SEMA4D: variants seen among roughly 807,000 people sequenced by gnomAD.
The protein encoded by SEMA4D is semaphorin 4D.
SEMA4D carries 22 observed loss-of-function variants against 74.8 expected under a neutral mutation model. The ratio of observed to expected loss-of-function variants is 0.29; its 90% CI spans 0.21 to 0.42. SEMA4D has a LOEUF of 0.42. SEMA4D is among the 10% of genes least tolerant of loss of function. SEMA4D has a pLI of 1.00. For missense variants in SEMA4D, 937 were observed against 1,118.4 expected (o/e 0.84, Z 2.31); for synonymous variants, 445 against 463.7 (o/e 0.96, Z 0.52).
At chr9:89,367,150 C>G (rs1471677203) in intron 16 of SEMA4D, 1 of 152,536 alleles carries the variant, frequency 6.6e-6, no homozygotes, top group Non-Finnish European at 1.5e-5. Flanking sequence ...TTAAACTATC[C>G]ATCTCTTTCT....
intron 2 of SEMA4D, among the ~76,000 whole-genome samples, chr9:89,432,644 A>C (rs548774848): frequency 6.6e-6 from 1 of 152,226 alleles, no homozygotes; most frequent in Admixed American, 6.5e-5. Context: ...GAGGTTAAAA[A>C]GCAAAAACAA....
At chr9:89,469,688 A>T (rs1439779434) in intron 1 of SEMA4D, among the ~76,000 whole-genome samples, 1 of 152,262 alleles carries the variant, frequency 6.6e-6, no homozygotes, top group Admixed American at 6.5e-5. Flanking sequence ...TATACAGAAA[A>T]TGCATTTAAA....
chr9:89,481,587 G>A (rs1163594090), intron 1 of SEMA4D, among the ~76,000 whole-genome samples: 1 of 152,232 alleles, frequency 6.6e-6, no homozygotes, highest in Non-Finnish European at 1.5e-5. Flanking sequence ...CACCCGTGGC[G>A]GATATAAATG....
At chr9:89,423,594 C>T (rs753153342) in intron 2 of SEMA4D, among the ~76,000 whole-genome samples, 3 of 152,122 alleles carry the variant, frequency 2.0e-5, no homozygotes, top group Non-Finnish European at 4.4e-5. Flanking sequence ...GCTGCAGTGC[C>T]GGCTGTGAGG....
At position 89,481,469 on chromosome 9, in the gene SEMA4D, C is replaced by G. The variant is rs541271683; in HGVS notation, c.-310+16450G>C. 9.9e-5 allele frequency among the ~76,000 whole-genome samples: 15 copies of G among 152,270 alleles called. No homozygotes were observed. The South Asian group carries it at 1.7e-3, about 17-fold the overall frequency. ...AGTGGAGCCATAAGAACTGGAGGGC[C>G]CTTGGTGTCCTGAAAGGACAATAAA... On this transcript the variant is annotated intron_variant, in intron 1 of 15. Transcript: ENST00000422704.
At chr9:89,458,001 C>T (rs527442753) in intron 1 of SEMA4D, among the ~76,000 whole-genome samples, 1 of 152,336 alleles carries the variant, frequency 6.6e-6, no homozygotes, top group South Asian at 2.1e-4. Flanking sequence ...CCACTGCACT[C>T]CAGCCTGGTC....
At chr9:89,434,700 C>T (rs530998555) in intron 2 of SEMA4D, among the ~76,000 whole-genome samples, 1 of 152,328 alleles carries the variant, frequency 6.6e-6, no homozygotes, top group Non-Finnish European at 1.5e-5. Flanking sequence ...AATCTCTTTA[C>T]CATGTAAGGA....
At position 89,465,309 on chromosome 9, in the gene SEMA4D, C is replaced by T. The variant is rs536517188; in HGVS notation, c.-309-9356G>A. 2.0e-5 allele frequency among the ~76,000 whole-genome samples: 3 copies of T among 152,366 alleles called. No individual in the cohort carries two copies. In the East Asian group the frequency reaches 5.8e-4, roughly 29 times the overall value. The stretch of plus-strand genomic sequence containing the variant: ...CCATCCGGTGAGATTGCTGGCCACT[C>T]AGCCCAGGGGTGATGGCTGCTAACG... On this transcript the variant is annotated intron_variant, in intron 1 of 15. Coordinates refer to ENST00000422704, the MANE Select transcript of SEMA4D (RefSeq NM_001371194.2).
Position 89,402,999 on chromosome 9 carries a change from A to G in SEMA4D, c.124T>C (p.Phe42Leu), listed in dbSNP as rs576002602. The G allele has an allele frequency of 1.6e-5, 25 of 1,611,276 alleles. No homozygotes were observed. Among genetic ancestry groups the G allele is most frequent in the Non-Finnish European group, 2.1e-5 (25 of 1,177,510 alleles). ...TAGTTGTAGATGTCTGGCTCATGAA[A>G]CTGCACCAGGTGCACCTCTGTGGGA... The part of the protein sequence containing the change: ...WEHREVHLVQ[F>L]HEPDIYNYSA... The change falls in exon 4 of 16, where the codon TTT (phenylalanine) becomes CTT (leucine). Residue 42 changes from phenylalanine (F) to leucine (L), a missense_variant. Transcript: ENST00000422704.
intron 2 of SEMA4D, among the ~76,000 whole-genome samples, chr9:89,422,070 A>T (rs1369057569): frequency 6.6e-6 from 1 of 152,268 alleles, no homozygotes; most frequent in Non-Finnish European, 1.5e-5. Flanking sequence ...GAAAGGCAAG[A>T]GAACACATTG....
chr9:89,387,656 C>G, intron 11 of SEMA4D, 48 bp from the exon 12 acceptor site: 1 of 1,564,468 alleles, frequency 6.4e-7, no homozygotes, highest in Non-Finnish European at 8.8e-7. Context: ...TCCCACCACG[C>G]AACGGGTGCT....
chr9:89,386,619 G>A (rs963955020), intron 12 of SEMA4D, 137 bp from the exon 13 acceptor site: 5 of 591,576 alleles, frequency 8.5e-6, no homozygotes, highest in South Asian at 2.1e-5. Flanking sequence ...TGATGATTTC[G>A]CATTAGAAAC....
At chr9:89,391,173 A>T in intron 9 of SEMA4D, 91 bp downstream of exon 9, 1 of 1,264,688 alleles carries the variant, frequency 7.9e-7, no homozygotes, top group Non-Finnish European at 1.1e-6. Context: ...AGGGAAAGTG[A>T]CATTTGAGAC....
At chr9:89,461,028 G>C (rs1471643424) in intron 1 of SEMA4D, among the ~76,000 whole-genome samples, 1 of 152,118 alleles carries the variant, frequency 6.6e-6, no homozygotes, top group Non-Finnish European at 1.5e-5. Context: ...GGGCTCTGCT[G>C]GGCCCCTCAG....
intron 2 of SEMA4D, among the ~76,000 whole-genome samples, chr9:89,448,097 C>T (rs909640600): frequency 3.3e-5 from 5 of 152,210 alleles, no homozygotes; most frequent in African/African-American, 1.2e-4. Flanking sequence ...ACCTCAGCCT[C>T]CTGAGCAGCT....
In SEMA4D at chr9:89,388,979, G is replaced by A; in HGVS notation, c.843C>T (p.Cys281=). 3 of 1,614,150 alleles carry A rather than the reference G, an allele frequency of 1.9e-6. 1 individual carries two copies. The highest frequency in any genetic ancestry group is 2.2e-5 in the South Asian group (2 of 91,084). The change falls in exon 10 of 16, where the codon TGC becomes TGT. Residue 281 remains cysteine, a synonymous_variant. Transcript: ENST00000422704. ...WTSFLKARLI[C]SRPDSGLVFN... is the part of the protein sequence containing the mutation. ...AGACCAAGCCGCTGTCTGGCCGGGA[G>A]CAGATGAGTCGGGCTTTCAGGAAGG...
At chr9:89,453,375 T>A (rs1403994191) in intron 2 of SEMA4D, among the ~76,000 whole-genome samples, 1 of 152,236 alleles carries the variant, frequency 6.6e-6, no homozygotes, top group Non-Finnish European at 1.5e-5. Flanking sequence ...GTCTAAGAAA[T>A]CACACGCAAG....
At chr9:89,404,584 A>G (rs1160883954) in intron 3 of SEMA4D, among the ~76,000 whole-genome samples, 195 of 97,604 alleles carry the variant, frequency 2.0e-3, no homozygotes, top group East Asian at 4.6e-3. Flanking sequence ...CAGGAAGTGG[A>G]GTCCCCATCC....
intron 2 of SEMA4D, among the ~76,000 whole-genome samples, chr9:89,419,211 C>T (rs925072180): frequency 1.3e-5 from 2 of 152,294 alleles, no homozygotes; most frequent in Non-Finnish European, 2.9e-5. Flanking sequence ...CAGGCCCCAC[C>T]GTAGTGGAGC....
Sources: gnomAD v4.1 joint callset for allele counts (sites outside exome capture counted in the v4.1 genomes callset) on GRCh38, gnomAD v4.1.1 for gene constraint, MANE v1.5 for transcripts, NCBI Gene and HGNC (gene_info 2026-07-23, HGNC 2026-07-21) for gene names.